Variants in SRRM3 observed in about 807,000 individuals in gnomAD.
The protein encoded by SRRM3 is serine/arginine repetitive matrix 3, also known as serine/arginine repetitive matrix protein 3.
SRRM3 carries 27 observed loss-of-function variants against 66.2 expected under a neutral mutation model. That is an observed-to-expected ratio of 0.41 (90% CI 0.30 to 0.56). The LOEUF (loss-of-function observed/expected upper bound fraction) is 0.56. Among genes scored for constraint, SRRM3 ranks in the 20% least tolerant of loss-of-function variants. SRRM3 has a pLI of 0.32. For missense variants in SRRM3, 918 were observed against 991.9 expected (o/e 0.93, Z 1.00); for synonymous variants, 391 against 414.9 (o/e 0.94, Z 0.70).
chr7:76,264,253 G>A (rs1408272775), intron 8 of SRRM3, among the ~76,000 whole-genome samples: 2 of 140,618 alleles, frequency 1.4e-5, no homozygotes, highest in African/African-American at 2.7e-5. Context: ...CGCAACCTCC[G>A]CCTCCCAGGT....
At chr7:76,283,122 G>A (rs1802571856) in intron 14 of SRRM3, 21 bp downstream of exon 14, 5 of 1,406,462 alleles carry the variant, frequency 3.6e-6, no homozygotes, top group Admixed American at 5.5e-5. Context: ...TCTTGGGGGG[G>A]CCGGTGGCGC....
intron 1 of SRRM3, among the ~76,000 whole-genome samples, chr7:76,208,960 A>G (rs1800366624): frequency 6.6e-6 from 1 of 150,908 alleles, no homozygotes; most frequent in Non-Finnish European, 1.5e-5. Context: ...TTAGCCGAGC[A>G]TGGTGGTGTG....
At chr7:76,256,965 C>A (rs1321244883) in intron 3 of SRRM3, among the ~76,000 whole-genome samples, 1 of 152,206 alleles carries the variant, frequency 6.6e-6, no homozygotes. Context: ...CCGCCTCAGC[C>A]TCCCAAAGTG....
intron 3 of SRRM3, among the ~76,000 whole-genome samples, chr7:76,252,037 C>CTACA (rs1801593496): frequency 1.3e-5 from 2 of 152,086 alleles, no homozygotes; most frequent in Non-Finnish European, 1.5e-5. Context: ...CGCAACCACA[C>CTACA]TACAGCCTTG....
At position 76,235,056 on chromosome 7, in the gene SRRM3, G is replaced by T; in HGVS notation, c.-11G>T. Reference sequence around the variant, plus strand: ...CAGCGGCCCAGGCCAGCGGCTCCAGGGCCAGCCACGATGTCCTCCACCGTG... The same window carrying T: ...CAGCGGCCCAGGCCAGCGGCTCCAGTGCCAGCCACGATGTCCTCCACCGTG... On this transcript the variant is annotated 5_prime_UTR_variant, in exon 2 of 15. Coordinates refer to ENST00000611745, the MANE Select transcript of SRRM3 (RefSeq NM_001110199.3). The T allele has an allele frequency of 6.4e-7, 1 of 1,558,844 alleles. No homozygotes were observed. Among genetic ancestry groups the T allele is most frequent in the East Asian group, 2.4e-5 (1 of 41,760 alleles).
intron 1 of SRRM3, among the ~76,000 whole-genome samples, chr7:76,216,093 C>A (rs1414244796): frequency 1.3e-5 from 2 of 151,920 alleles, no homozygotes; most frequent in African/African-American, 4.8e-5. Context: ...AGGCGTGAGC[C>A]ACCGCGCCCG....
chr7:76,285,391 G>C lies in SRRM3; in HGVS notation c.1734-224G>C, dbSNP rs1365952791. 2 of 569,030 alleles carry C rather than the reference G, an allele frequency of 3.5e-6. No individual in the cohort carries two copies. The highest frequency in any genetic ancestry group is 3.1e-6 in the Non-Finnish European group (1 of 319,116). The allele number at this position is 569,030 out of a possible 1,614,324, so 35.2% of individuals were successfully genotyped here. ...AACAAGTATTTATTAGCAGGTGTTC[G>C]GATCGGGCAGAGACATGGTCTCCTT... On this transcript the variant is annotated intron_variant, in intron 14 of 14. Coordinates refer to ENST00000611745, the MANE Select transcript of SRRM3 (RefSeq NM_001110199.3). This position sits in a 1 kb window ranked among gnomAD's most constrained non-coding sequence, Gnocchi z 4.1.
chr7:76,215,408 T>G (rs1162781229), intron 1 of SRRM3, among the ~76,000 whole-genome samples: 3 of 146,722 alleles, frequency 2.0e-5, no homozygotes, highest in Non-Finnish European at 4.5e-5. Flanking sequence ...TTTTTTTTTT[T>G]TTTTTTTTTT....
At chr7:76,267,549 GGGC>G in intron 11 of SRRM3, 114 bp downstream of exon 11, 1 of 570,472 alleles carries the variant, frequency 1.8e-6, no homozygotes, top group African/African-American at 2.0e-5. Flanking sequence ...GCGGGGGCGG[GGGC>G]GGCCGCTTCC....
Position 76,286,369 on chromosome 7 carries a change from TA to T in SRRM3, c.*528del, listed in dbSNP as rs1554612831. The T allele has an allele frequency of 6.5e-6, 1 of 153,694 alleles. No homozygotes were observed. The highest frequency in any genetic ancestry group is 1.4e-5 in the Non-Finnish European group (1 of 69,014). The allele number at this position is 153,694 out of a possible 1,614,324, so 9.5% of individuals were successfully genotyped here. The stretch of plus-strand genomic sequence containing the variant: ...GAGCTAGACAGAAGGAAGAACAGCC[TA>T]ACCCTTGGTGCACCCCCATCCAAGC... On this transcript the variant is annotated 3_prime_UTR_variant, in exon 15 of 15. Transcript: ENST00000611745.
intron 1 of SRRM3, among the ~76,000 whole-genome samples, chr7:76,207,214 A>T (rs782332528): frequency 6.6e-6 from 1 of 152,144 alleles, no homozygotes; most frequent in Non-Finnish European, 1.5e-5. Flanking sequence ...AGGTGGGAGG[A>T]CTGCTTGAGT....
chr7:76,227,413 T>C (rs1800901957), intron 1 of SRRM3, among the ~76,000 whole-genome samples: 1 of 152,230 alleles, frequency 6.6e-6, no homozygotes, highest in African/African-American at 2.4e-5. Context: ...ACCATCCACC[T>C]GGTCACCCAG....
At position 76,261,394 on chromosome 7, in the gene SRRM3, G is replaced by A; in HGVS notation, c.618G>A (p.Val206=). 1 of 1,605,380 alleles carries A rather than the reference G, an allele frequency of 6.2e-7. No individual in the cohort carries two copies. The highest frequency in any genetic ancestry group is 8.5e-7 in the Non-Finnish European group (1 of 1,177,160). ...CCCTCCGCAAGAAGAAGAAGAGTGTGAAGAAGCATCGCCGAGACAGGTACC... is the reference window on the plus strand; with the variant it reads ...CCCTCCGCAAGAAGAAGAAGAGTGTAAAGAAGCATCGCCGAGACAGGTACC... ...SSPLRKKKKS[V]KKHRRDRSDS... The change falls in exon 7 of 15, where the codon GTG becomes GTA. Residue 206 remains valine, a synonymous_variant. Coordinates refer to ENST00000611745, the MANE Select transcript of SRRM3 (RefSeq NM_001110199.3).
intron 8 of SRRM3, among the ~76,000 whole-genome samples, chr7:76,263,804 TGGAGG>T (rs201772743): frequency 0.014 from 1,862 of 135,010 alleles, 41 homozygotes; most frequent in African/African-American, 0.049. Flanking sequence ...ACCTGCAAGG[TGGAGG>T]TTGCAGTGAG....
chr7:76,209,337 C>G (rs1554601486), intron 1 of SRRM3, among the ~76,000 whole-genome samples: 1 of 152,200 alleles, frequency 6.6e-6, no homozygotes, highest in Non-Finnish European at 1.5e-5. Context: ...TCTGCTAGAA[C>G]TAAGTCGTCC....
In SRRM3 at chr7:76,235,217, C is replaced by A; in HGVS notation, c.151C>A (p.His51Asn). 1 of 1,552,938 alleles carries A rather than the reference C, an allele frequency of 6.4e-7. No individual in the cohort carries two copies. The highest frequency in any genetic ancestry group is 8.6e-7 in the Non-Finnish European group (1 of 1,157,872). The change falls in exon 2 of 15, where the codon CAC becomes AAC. Residue 51 changes from histidine to asparagine, a missense_variant. His to Asn is a moderately conservative substitution (Grantham distance 68). Coordinates refer to ENST00000611745, the MANE Select transcript of SRRM3 (RefSeq NM_001110199.3). Reference protein sequence around the residue: ...AAEPGLVKRAHREILDHERKR... With the variant: ...AAEPGLVKRANREILDHERKR... ...GGAGCCGGGCCTGGTGAAGCGCGCG[C>A]ACCGCGAGATCCTGGACCACGAGCG...
At chr7:76,282,472 T>G (rs1284256373) in intron 12 of SRRM3, 176 bp from the exon 13 acceptor site, 1 of 127,276 alleles carries the variant, frequency 7.9e-6, no homozygotes, top group Non-Finnish European at 1.4e-5. Flanking sequence ...GGGCTCCCCC[T>G]GAACTGACCC....
At chr7:76,220,985 G>A (rs537216861) in intron 1 of SRRM3, among the ~76,000 whole-genome samples, 6 of 152,014 alleles carry the variant, frequency 3.9e-5, no homozygotes, top group Admixed American at 2.0e-4. Context: ...CATGGAGGAA[G>A]CTCACTGGGC....
chr7:76,207,430 A>G (rs782018302), intron 1 of SRRM3, among the ~76,000 whole-genome samples: 6 of 152,140 alleles, frequency 3.9e-5, no homozygotes, highest in Non-Finnish European at 8.8e-5. Flanking sequence ...AAAGACAACC[A>G]CTTTGAACAC....
Sources: gnomAD v4.1 joint callset for allele counts (sites outside exome capture counted in the v4.1 genomes callset) on GRCh38, gnomAD v4.1.1 for gene constraint, Gnocchi (gnomAD v3.1) non-coding constraint, MANE v1.5 for transcripts, NCBI Gene and HGNC (gene_info 2026-07-23, HGNC 2026-07-21) for gene names.